RAMP3: variants seen among roughly 807,000 people sequenced by gnomAD.
The protein encoded by RAMP3 is receptor activity modifying protein 3, also known as receptor activity-modifying protein 3.
RAMP3 carries 14 observed loss-of-function variants against 13.5 expected under a neutral mutation model. The ratio of observed to expected loss-of-function variants is 1.04; its 90% CI spans 0.69 to 1.63. The LOEUF is 1.63. Ranked by LOEUF, RAMP3 falls within the 40% of genes most tolerant of loss-of-function variation. RAMP3 has a pLI of 0.00. For synonymous variants in RAMP3, 106 were observed against 88.3 expected (o/e 1.20, Z -1.12); for missense variants, 200 against 204.8 (o/e 0.98, Z 0.14).
intron 1 of RAMP3, among the ~76,000 whole-genome samples, chr7:45,159,206 A>G (rs530803359): frequency 6.6e-6 from 1 of 152,168 alleles, no homozygotes; most frequent in African/African-American, 2.4e-5. Flanking sequence ...CCAATGGGAC[A>G]TGGGTTCACG....
chr7:45,167,864 G>C (rs557497028), intron 1 of RAMP3, among the ~76,000 whole-genome samples: 2 of 152,242 alleles, frequency 1.3e-5, no homozygotes, highest in East Asian at 3.9e-4. Context: ...GGGATTACAA[G>C]CGTGAGCCAC....
chr7:45,161,888 A>G (rs1785874612), intron 1 of RAMP3, among the ~76,000 whole-genome samples: 1 of 152,080 alleles, frequency 6.6e-6, no homozygotes, highest in Non-Finnish European at 1.5e-5. Flanking sequence ...GCTCGTGCCC[A>G]TTGGGATGGT....
Position 45,183,278 on chromosome 7 carries a change from A to T in RAMP3, c.313A>T (p.Thr105Ser), listed in dbSNP as rs1478225062. The change falls in exon 3 of 3, where the codon ACC becomes TCC. Residue 105 changes from threonine to serine, a missense_variant. By Grantham distance (58) the Thr-to-Ser change is moderately conservative. Transcript: ENST00000242249. ...GIHRQFFSNC[T>S]VDRVHLEDPP... is the part of the protein sequence containing the mutation. ...CCACAGGCAGTTCTTCTCCAACTGC[A>T]CCGTGGACAGGGTCCACTTGGAGGA... 1 of 1,614,046 alleles carries T rather than the reference A, an allele frequency of 6.2e-7. No homozygotes were observed. Among genetic ancestry groups the T allele is most frequent in the East Asian group, 2.2e-5 (1 of 44,856 alleles).
chr7:45,169,039 G>T (rs1786031007), intron 1 of RAMP3, among the ~76,000 whole-genome samples: 1 of 152,128 alleles, frequency 6.6e-6, no homozygotes, highest in Admixed American at 6.6e-5. Flanking sequence ...ATGATCGTGT[G>T]GTTCCCCCCT....
At chr7:45,168,891 T>C (rs1287701636) in intron 1 of RAMP3, among the ~76,000 whole-genome samples, 1 of 152,210 alleles carries the variant, frequency 6.6e-6, no homozygotes, top group Admixed American at 6.5e-5. Context: ...TCATTGGTTA[T>C]GTTAACTCTG....
chr7:45,159,637 A>G lies in RAMP3; in HGVS notation c.58+1751A>G, dbSNP rs147712265. Among the ~76,000 whole-genome samples, 64 of 152,310 alleles carry G rather than the reference A, an allele frequency of 4.2e-4. 1 individual carries two copies. Among genetic ancestry groups the G allele is most frequent in the African/African-American group, 1.5e-3 (62 of 41,574 alleles). The stretch of plus-strand genomic sequence containing the variant: ...TCCTGATCATGATCCCAAGATTATA[A>G]AGCACTCACTGGCCTCAGTTTCCGA... On this transcript the variant is annotated intron_variant, in intron 1 of 2. Coordinates refer to ENST00000242249, the MANE Select transcript of RAMP3 (RefSeq NM_005856.3).
In RAMP3 at chr7:45,183,486, G is replaced by T. The variant is rs1786362954; in HGVS notation, c.*74G>T. On this transcript the variant is annotated 3_prime_UTR_variant, in exon 3 of 3. Coordinates refer to ENST00000242249, the MANE Select transcript of RAMP3 (RefSeq NM_005856.3). ...TTCCCTGGGGATGGGAGAGCGGGTG[G>T]GTGCTGCCAATCTCCAGCTACTGTG... The T allele has an allele frequency of 6.4e-7, 1 of 1,573,250 alleles. No individual in the cohort carries two copies. The highest frequency in any genetic ancestry group is 8.6e-7 in the Non-Finnish European group (1 of 1,160,616).
rs1029943709 is a variant in RAMP3 at position 45,184,164 on chromosome 7, G to A, written c.*752G>A. 4 of 398,628 alleles carry A rather than the reference G, an allele frequency of 1.0e-5. No individual in the cohort carries two copies. The highest frequency in any genetic ancestry group is 2.1e-5 in the African/African-American group (1 of 48,632). The allele number at this position is 398,628 out of a possible 1,614,324, so 24.7% of individuals were successfully genotyped here. A position where few individuals can be genotyped will look rare whatever the true frequency, so the allele number is the denominator to read the frequency against. ...ACAGGGGCTCCTCTGTGGGTGAGGGGCCCTCTGGAATGGCATCCCATGAGC... is the reference window on the plus strand; with the variant it reads ...ACAGGGGCTCCTCTGTGGGTGAGGGACCCTCTGGAATGGCATCCCATGAGC... On this transcript the variant is annotated 3_prime_UTR_variant, in exon 3 of 3. Coordinates refer to ENST00000242249, the MANE Select transcript of RAMP3 (RefSeq NM_005856.3).
chr7:45,177,065 C>T (rs563376951), intron 1 of RAMP3, among the ~76,000 whole-genome samples: 2 of 152,362 alleles, frequency 1.3e-5, no homozygotes, highest in South Asian at 4.1e-4. Context: ...TGTGCCACTG[C>T]CTGTGAGGCG....
chr7:45,183,185 G>A lies in RAMP3; in HGVS notation c.220G>A (p.Glu74Lys), dbSNP rs1786353384. 1.2e-6 allele frequency: 2 copies of A among 1,612,876 alleles called. No individual in the cohort carries two copies. The highest frequency in any genetic ancestry group is 1.7e-6 in the Non-Finnish European group (2 of 1,180,008). Residue 74 changes from glutamate to lysine, a missense_variant, in exon 3 of 3, where the codon GAG becomes AAG. Physicochemically the swap from Glu to Lys is moderately conservative, Grantham distance 56. Transcript: ENST00000242249. Reference sequence around the variant, plus strand: ...CTATGAGAGTTTCACCAACTGCACCGAGATGGAGGCCAATGTCGTGGGCTG... The same window carrying A: ...CTATGAGAGTTTCACCAACTGCACCAAGATGGAGGCCAATGTCGTGGGCTG... The part of the protein sequence containing the change: ...VYYESFTNCT[E>K]MEANVVGCYW...
intron 2 of RAMP3, among the ~76,000 whole-genome samples, chr7:45,180,711 T>C (rs1405431824): frequency 2.6e-5 from 4 of 152,126 alleles, no homozygotes; most frequent in Admixed American, 2.6e-4. Flanking sequence ...TAAAGGAAGG[T>C]GGGCAAACAC....
In RAMP3 at chr7:45,157,824, C is replaced by T. The variant is rs1584060354; in HGVS notation, c.-5C>T. ...CGAGCGTGACCCAGCTGCGGCCGGCCAGCCATGGAGACTGGAGCGCTGCGG... is the reference window on the plus strand; with the variant it reads ...CGAGCGTGACCCAGCTGCGGCCGGCTAGCCATGGAGACTGGAGCGCTGCGG... On this transcript the variant is annotated 5_prime_UTR_variant, in exon 1 of 3. Coordinates refer to ENST00000242249, the MANE Select transcript of RAMP3 (RefSeq NM_005856.3). 3 of 1,448,990 alleles carry T rather than the reference C, an allele frequency of 2.1e-6. No individual in the cohort carries two copies. The highest frequency in any genetic ancestry group is 2.7e-6 in the Non-Finnish European group (3 of 1,110,240). 89.8% of individuals were successfully genotyped at this position (1,448,990 alleles called of 1,614,324 possible). A position where few individuals can be genotyped will look rare whatever the true frequency, so the allele number is the denominator to read the frequency against.
intron 1 of RAMP3, among the ~76,000 whole-genome samples, chr7:45,170,480 G>T (rs1786058888): frequency 2.0e-5 from 3 of 151,886 alleles, no homozygotes; most frequent in Non-Finnish European, 4.4e-5. Flanking sequence ...TAGGACTACA[G>T]GTGCATGCCA....
intron 1 of RAMP3, chr7:45,163,758 G>C: frequency 1.0e-6 from 1 of 985,292 alleles, no homozygotes; most frequent in Non-Finnish European, 1.2e-6. Context: ...AGCAAATCAG[G>C]AACTAAACAG....
At chr7:45,161,338 C>A (rs1166039432) in intron 1 of RAMP3, among the ~76,000 whole-genome samples, 1 of 152,098 alleles carries the variant, frequency 6.6e-6, no homozygotes, top group African/African-American at 2.4e-5. Flanking sequence ...TTGATGCTGT[C>A]TTTGCCTGGC....
intron 2 of RAMP3, among the ~76,000 whole-genome samples, chr7:45,182,906 C>G (rs1235621135): frequency 6.6e-6 from 1 of 152,284 alleles, no homozygotes; most frequent in South Asian, 2.1e-4. Flanking sequence ...ACCCTGGATC[C>G]TGGGAGCTCA....
At chr7:45,183,100 G>C (rs1254587606) in intron 2 of RAMP3, 57 bp from the exon 3 acceptor site, 1 of 1,594,490 alleles carries the variant, frequency 6.3e-7, no homozygotes, top group Non-Finnish European at 8.5e-7. Context: ...CCTCAGGTCA[G>C]GGCAGGTGTG....
In RAMP3 at chr7:45,184,123, C is replaced by T. The variant is rs951243596; in HGVS notation, c.*711C>T. ...ACCGGGACTTGCTGTGCGGATGGGG[C>T]CTGGGCCTCCTTCCTACAGGGGCTC... On this transcript the variant is annotated 3_prime_UTR_variant, in exon 3 of 3. Coordinates refer to ENST00000242249, the MANE Select transcript of RAMP3 (RefSeq NM_005856.3). 4 of 399,018 alleles carry T rather than the reference C, an allele frequency of 1.0e-5. No individual in the cohort carries two copies. Among genetic ancestry groups the T allele is most frequent in the Admixed American group, 4.4e-5 (1 of 22,796 alleles). 24.7% of individuals were successfully genotyped at this position (399,018 alleles called of 1,614,324 possible).
At chr7:45,168,198 C>T (rs995241701) in intron 1 of RAMP3, among the ~76,000 whole-genome samples, 10 of 151,828 alleles carry the variant, frequency 6.6e-5, no homozygotes, top group East Asian at 2.0e-4. Flanking sequence ...GTCAGGAGTT[C>T]GAGACCAGCC....
Sources: gnomAD v4.1 joint callset for allele counts (sites outside exome capture counted in the v4.1 genomes callset) on GRCh38, gnomAD v4.1.1 for gene constraint, MANE v1.5 for transcripts, NCBI Gene and HGNC (gene_info 2026-07-23, HGNC 2026-07-21) for gene names.